ACYP2: variants seen among roughly 807,000 people sequenced by gnomAD.
The protein encoded by ACYP2 is acylphosphatase 2, also known as acylphosphatase-2.
A neutral mutation model predicts 11.2 loss-of-function variants in ACYP2; 12 were observed. That is an observed-to-expected ratio of 1.08 (90% CI 0.69 to 1.74). The LOEUF is 1.74. Ranked by LOEUF, ACYP2 falls within the 40% of genes most tolerant of loss-of-function variation. The pLI is 0.00. For missense variants in ACYP2, 134 were observed against 101.9 expected, an observed-to-expected ratio of 1.31 and a Z score of -1.35; for synonymous variants, 43 against 32.2, an observed-to-expected ratio of 1.33 and a Z score of -1.13.
Position 54,135,438 on chromosome 2 carries a change from C to G in ACYP2, c.278-15C>G. The G allele has an allele frequency of 6.2e-7, 1 of 1,605,444 alleles. No individual in the cohort carries two copies. Among genetic ancestry groups the G allele is most frequent in the Non-Finnish European group, 8.5e-7 (1 of 1,176,094 alleles). ...AGGACAAGCTGACAATTCTTTTTATCTTTCTTTTATACAGGTGTTTGCTTC... is the reference window on the plus strand; with the variant it reads ...AGGACAAGCTGACAATTCTTTTTATGTTTCTTTTATACAGGTGTTTGCTTC... On this transcript the variant is annotated splice_polypyrimidine_tract_variant and intron_variant, in intron 4 of 6. Transcript: ENST00000607452.
At chr2:54,109,881 T>C (rs1167852779) in intron 4 of ACYP2, among the ~76,000 whole-genome samples, 1 of 152,144 alleles carries the variant, frequency 6.6e-6, no homozygotes, top group East Asian at 1.9e-4. Context: ...AATATCAATA[T>C]CTCATTATTA....
intron 2 of ACYP2, among the ~76,000 whole-genome samples, chr2:54,024,663 C>T (rs1674182638): frequency 6.6e-6 from 1 of 152,060 alleles, no homozygotes; most frequent in Non-Finnish European, 1.5e-5. Context: ...AAGCATTACC[C>T]CTGAAAACTG....
chr2:54,100,937 G>C (rs1678860710), intron 4 of ACYP2, among the ~76,000 whole-genome samples: 1 of 152,188 alleles, frequency 6.6e-6, no homozygotes, highest in South Asian at 2.1e-4. Context: ...ACTCTTGAAG[G>C]TTTTTAAGCA....
intron 2 of ACYP2, among the ~76,000 whole-genome samples, chr2:54,008,045 T>C (rs116537006): frequency 0.012 from 1,879 of 152,308 alleles, 46 homozygotes; most frequent in Admixed American, 0.068. Flanking sequence ...GAGTCAGCTA[T>C]GTTAGAATTT....
chr2:54,278,458 G>A (rs1242919150), intron 6 of ACYP2, among the ~76,000 whole-genome samples: 1 of 152,226 alleles, frequency 6.6e-6, no homozygotes, highest in Non-Finnish European at 1.5e-5. Flanking sequence ...TTGTTGCACT[G>A]TGACAATAGA....
intron 4 of ACYP2, chr2:54,065,657 G>A: frequency 2.5e-6 from 1 of 396,296 alleles, no homozygotes; most frequent in South Asian, 1.4e-4. Flanking sequence ...GTTGCCATCT[G>A]TCACGCATGG....
intron 1 of ACYP2, among the ~76,000 whole-genome samples, chr2:53,972,234 C>A (rs1573411151): frequency 6.7e-6 from 1 of 149,412 alleles, no homozygotes; most frequent in African/African-American, 2.5e-5. Context: ...CGCTTGAAAC[C>A]GGAAGGCGGA....
chr2:53,986,918 C>G (rs1672065199), intron 2 of ACYP2, among the ~76,000 whole-genome samples: 1 of 152,150 alleles, frequency 6.6e-6, no homozygotes. Flanking sequence ...AGCCACCGCA[C>G]CCGACCAAAC....
intron 2 of ACYP2, among the ~76,000 whole-genome samples, chr2:53,992,509 C>G (rs1311525501): frequency 6.6e-6 from 1 of 152,112 alleles, no homozygotes; most frequent in East Asian, 1.9e-4. Context: ...AGAAGTAGTG[C>G]CAACGGTGAG....
intron 6 of ACYP2, among the ~76,000 whole-genome samples, chr2:54,237,309 G>A (rs1686527985): frequency 6.6e-6 from 1 of 151,266 alleles, no homozygotes; most frequent in African/African-American, 2.4e-5. Context: ...ATCTCCTAAT[G>A]TATTATTATA....
chr2:54,263,676 A>G (rs1313261988), intron 6 of ACYP2, among the ~76,000 whole-genome samples: 2 of 152,236 alleles, frequency 1.3e-5, no homozygotes, highest in East Asian at 1.9e-4. Flanking sequence ...TTGGAGGAGT[A>G]TAGAGTTGCT....
At chr2:54,093,168 C>A (rs570483203) in intron 4 of ACYP2, among the ~76,000 whole-genome samples, 65 of 152,288 alleles carry the variant, frequency 4.3e-4, no homozygotes, top group African/African-American at 1.5e-3. Context: ...TAACCTAAGA[C>A]ATTAGGGCAA....
chr2:54,281,594 C>A (rs6761289), intron 6 of ACYP2, among the ~76,000 whole-genome samples: 4,838 of 152,152 alleles, frequency 0.032, 278 homozygotes, highest in African/African-American at 0.11. Context: ...CTGGTGAAAC[C>A]CTTATGCTCA....
At chr2:54,038,009 A>G (rs532220890) in intron 2 of ACYP2, among the ~76,000 whole-genome samples, 51 of 152,310 alleles carry the variant, frequency 3.3e-4, no homozygotes, top group African/African-American at 1.2e-3. Flanking sequence ...TCTCTCCTAC[A>G]CAGTGAAATT....
chr2:54,276,661 A>ACACACACC (rs1553405193), intron 6 of ACYP2, among the ~76,000 whole-genome samples: 1 of 134,224 alleles, frequency 7.5e-6, no homozygotes, highest in Non-Finnish European at 1.6e-5. Context: ...ACACACACAC[A>ACACACACC]CCACACACAA....
intron 6 of ACYP2, among the ~76,000 whole-genome samples, chr2:54,200,164 C>G (rs888535433): frequency 4.6e-5 from 7 of 152,142 alleles, no homozygotes; most frequent in African/African-American, 1.7e-4. Flanking sequence ...TTTGGTATCT[C>G]TCAATTGCTA....
At chr2:54,223,998 G>C (rs1400113393) in intron 6 of ACYP2, among the ~76,000 whole-genome samples, 1 of 152,184 alleles carries the variant, frequency 6.6e-6, no homozygotes, top group Non-Finnish European at 1.5e-5. Flanking sequence ...CTGAATGTGA[G>C]ATGCGTTTGA....
chr2:54,121,584 C>T (rs1340284897), intron 4 of ACYP2, among the ~76,000 whole-genome samples: 1 of 152,184 alleles, frequency 6.6e-6, no homozygotes, highest in Non-Finnish European at 1.5e-5. Context: ...TTTAGAAGTA[C>T]ACATTTTTCT....
At chr2:53,973,010 C>T (rs1401311842) in intron 1 of ACYP2, among the ~76,000 whole-genome samples, 1 of 152,024 alleles carries the variant, frequency 6.6e-6, no homozygotes, top group Non-Finnish European at 1.5e-5. Context: ...CTCTGAGGAG[C>T]CCCACATTTA....
Sources: gnomAD v4.1 joint callset for allele counts (sites outside exome capture counted in the v4.1 genomes callset) on GRCh38, gnomAD v4.1.1 for gene constraint, MANE v1.5 for transcripts, NCBI Gene and HGNC (gene_info 2026-07-23, HGNC 2026-07-21) for gene names.